SIM1: variants seen among roughly 807,000 people sequenced by gnomAD.
SIM1 encodes single-minded homolog 1.
In SIM1, 18 loss-of-function variants were observed where a neutral mutation model predicts 78.2. That is an observed-to-expected ratio of 0.23 (90% confidence interval 0.16 to 0.34). The LOEUF (loss-of-function observed/expected upper bound fraction) is 0.34, where lower values mean the gene tolerates loss of function less well. Ranked by LOEUF, SIM1 falls within the 10% of genes least tolerant of loss-of-function variation. The pLI is 1.00. For missense variants in SIM1, 939 were observed against 975.1 expected (o/e 0.96, Z 0.49); for synonymous variants, 417 against 385.2 (o/e 1.08, Z -0.97).
chr6:100,419,546 G>C (rs566314582), intron 10 of SIM1, among the ~76,000 whole-genome samples: 5 of 152,232 alleles, frequency 3.3e-5, no homozygotes, highest in African/African-American at 9.6e-5. Flanking sequence ...TATACCTACT[G>C]GATTGTCATT....
intron 10 of SIM1, among the ~76,000 whole-genome samples, chr6:100,413,809 G>T (rs1334294504): frequency 6.6e-6 from 1 of 152,120 alleles, no homozygotes; most frequent in Non-Finnish European, 1.5e-5. Context: ...GGCCAAATAA[G>T]TTCTCTATAA....
intron 3 of SIM1, among the ~76,000 whole-genome samples, chr6:100,452,826 T>C (rs1772549980): frequency 1.3e-5 from 2 of 152,150 alleles, no homozygotes; most frequent in Non-Finnish European, 2.9e-5. Context: ...AACCCCTTCC[T>C]TTGTCCCACA....
chr6:100,421,942 G>T (rs1771599350), intron 9 of SIM1, among the ~76,000 whole-genome samples: 1 of 152,030 alleles, frequency 6.6e-6, no homozygotes, highest in Admixed American at 6.6e-5. Flanking sequence ...GATTTATTTT[G>T]ATCTCTTGAA....
chr6:100,455,762 C>T (rs1772633965), intron 2 of SIM1, among the ~76,000 whole-genome samples: 1 of 152,160 alleles, frequency 6.6e-6, no homozygotes, highest in African/African-American at 2.4e-5. Flanking sequence ...AGGTCTCGCG[C>T]GGTTCCCGAA....
intron 9 of SIM1, among the ~76,000 whole-genome samples, chr6:100,441,303 A>G (rs1001658501): frequency 2.0e-5 from 3 of 152,174 alleles, no homozygotes; most frequent in Admixed American, 2.0e-4. Flanking sequence ...CAAGAATACT[A>G]GGAAGTTCTC....
rs372614175 is a variant in SIM1 at position 100,463,372 on chromosome 6, T to C, written c.97A>G (p.Ile33Val). The change falls in exon 2 of 12, where the codon ATC becomes GTC. Residue 33 changes from isoleucine (I) to valine (V), a missense_variant. This residue lies in a region of SIM1 where 121 missense variants were observed against 124.6 expected (regional missense o/e 0.97). Coordinates refer to ENST00000369208, the MANE Select transcript of SIM1 (RefSeq NM_005068.3). ...LAKLLPLPSA[I>V]TSQLDKASII... ...GATGCTTTGTCCAGCTGCGAGGTGATAGCCGAGGGCAAAGGCAGTAATTTA... is the reference window on the plus strand; with the variant it reads ...GATGCTTTGTCCAGCTGCGAGGTGACAGCCGAGGGCAAAGGCAGTAATTTA... 1.9e-6 allele frequency: 3 copies of C among 1,613,976 alleles called. No individual in the cohort carries two copies. Among genetic ancestry groups the C allele is most frequent in the African/African-American group, 1.3e-5 (1 of 74,922 alleles).
intron 10 of SIM1, among the ~76,000 whole-genome samples, chr6:100,402,222 T>C (rs1424573296): frequency 1.3e-5 from 2 of 152,204 alleles, no homozygotes; most frequent in East Asian, 3.8e-4. Flanking sequence ...CTGTAGACTA[T>C]ATTGTCTAGA....
intron 2 of SIM1, among the ~76,000 whole-genome samples, chr6:100,456,200 C>A (rs1279689431): frequency 3.9e-5 from 6 of 152,154 alleles, no homozygotes; most frequent in Non-Finnish European, 7.3e-5. Flanking sequence ...GATCTAATAT[C>A]GAAGGAACCT....
chr6:100,419,791 G>A (rs554213499), intron 10 of SIM1, among the ~76,000 whole-genome samples: 58 of 152,144 alleles, frequency 3.8e-4, no homozygotes, highest in African/African-American at 1.3e-3. Flanking sequence ...ACAGGCACAC[G>A]CCACCACACC....
intron 11 of SIM1, 123 bp downstream of exon 11, chr6:100,393,364 C>T (rs760979192): frequency 1.1e-6 from 1 of 881,812 alleles, no homozygotes; most frequent in Admixed American, 3.2e-5. Context: ...TTTTTAATCC[C>T]ATTGGTTCTG....
At chr6:100,450,182 AC>A (rs1325041397) in intron 4 of SIM1, 84 bp downstream of exon 4, 1 of 1,100,314 alleles carries the variant, frequency 9.1e-7, no homozygotes, top group African/African-American at 1.5e-5. Flanking sequence ...AGAGAAGCAC[AC>A]CCAGCCCCCA....
chr6:100,424,928 A>C (rs1481819272), intron 9 of SIM1, among the ~76,000 whole-genome samples: 2 of 152,110 alleles, frequency 1.3e-5, no homozygotes, highest in Admixed American at 6.5e-5. Context: ...CATTATAAAA[A>C]CCTTTTGCTG....
At chr6:100,395,887 C>T (rs1003794020) in intron 10 of SIM1, among the ~76,000 whole-genome samples, 1 of 152,176 alleles carries the variant, frequency 6.6e-6, no homozygotes, top group Non-Finnish European at 1.5e-5. Flanking sequence ...TGTGCAAATT[C>T]CAGGTCAAAA....
intron 9 of SIM1, among the ~76,000 whole-genome samples, chr6:100,432,024 T>C (rs1660358063): frequency 6.6e-6 from 1 of 152,156 alleles, no homozygotes; most frequent in African/African-American, 2.4e-5. Context: ...TGCACATCTG[T>C]AATCCTAGCT....
rs774106051 is a variant in SIM1, at chr6:100,390,875, T to C, written c.1787A>G (p.Asn596Ser). The change falls in exon 12 of 12, where the codon AAT becomes AGT. Residue 596 changes from asparagine (N) to serine (S), a missense_variant. By Grantham distance (46) the Asn-to-Ser change is conservative. Transcript: ENST00000369208. ...KAPSDQLASI[N>S]GAGKKHSLCF... The stretch of plus-strand genomic sequence containing the variant: ...CAGGGAGTGTTTTTTCCCAGCCCCA[T>C]TAATGGAAGCCAGTTGGTCTGAGGG... 2.5e-6 allele frequency: 4 copies of C among 1,614,162 alleles called. No homozygotes were observed. Among genetic ancestry groups the C allele is most frequent in the Non-Finnish European group, 3.4e-6 (4 of 1,179,998 alleles).
At chr6:100,446,248 C>T (rs537309021) in intron 9 of SIM1, among the ~76,000 whole-genome samples, 1 of 152,262 alleles carries the variant, frequency 6.6e-6, no homozygotes, top group African/African-American at 2.4e-5. Flanking sequence ...CGAATCTAGT[C>T]CTTATCACCT....
At chr6:100,400,242 A>G (rs71566341) in intron 10 of SIM1, among the ~76,000 whole-genome samples, 2,894 of 152,106 alleles carry the variant, frequency 0.019, 29 homozygotes, top group Middle Eastern at 0.027. Context: ...ACTTAAAAAA[A>G]AAGAAAACCA....
In SIM1 at chr6:100,423,846, TC is replaced by T. The variant is rs776450221; in HGVS notation, c.999-2889del. On this transcript the variant is annotated intron_variant, in intron 9 of 11. Coordinates refer to ENST00000369208, the MANE Select transcript of SIM1 (RefSeq NM_005068.3). Reference sequence around the variant, plus strand: ...CCTCCACTCTTGGGCATTTCCTGTGTCAAATGCACTTCCGTTCATTGGACAA... The same window carrying T: ...CCTCCACTCTTGGGCATTTCCTGTGTAAATGCACTTCCGTTCATTGGACAA... 1.1e-4 allele frequency among the ~76,000 whole-genome samples: 17 copies of T among 152,204 alleles called. No individual in the cohort carries two copies. The South Asian group carries it at 3.5e-3, about 31-fold the overall frequency.
intron 9 of SIM1, among the ~76,000 whole-genome samples, chr6:100,434,648 G>C (rs1254433580): frequency 6.6e-6 from 1 of 152,212 alleles, no homozygotes; most frequent in Non-Finnish European, 1.5e-5. Context: ...GAAGAGGTGA[G>C]AGACAGCACA....
Sources: allele counts gnomAD v4.1 joint callset (sites outside exome capture counted in the v4.1 genomes callset), GRCh38; gene constraint gnomAD v4.1.1; regional missense constraint gnomAD v4.1.1; transcripts MANE v1.5; gene names NCBI Gene and HGNC (gene_info 2026-07-23, HGNC 2026-07-21).